NCAPG2: variants seen among roughly 807,000 people sequenced by gnomAD.
The protein encoded by NCAPG2 is non-SMC condensin II complex subunit G2.
NCAPG2 carries 53 observed loss-of-function variants against 141.1 expected under a neutral mutation model. The observed-to-expected ratio is 0.38, with a 90% CI of 0.30 to 0.47. The LOEUF is 0.47. Ranked by LOEUF, NCAPG2 falls within the 20% of genes least tolerant of loss-of-function variation. The probability of loss-of-function intolerance (pLI) is 0.99; values close to 1 mark genes in which losing one functional copy is unlikely to be tolerated. For synonymous variants in NCAPG2, 499 were observed against 490.7 expected (o/e 1.02, Z -0.22); for missense variants, 1,087 against 1,389.0 (o/e 0.78, Z 3.46).
chr7:158,685,050 G>A (rs1834671559), intron 8 of NCAPG2, among the ~76,000 whole-genome samples: 1 of 152,228 alleles, frequency 6.6e-6, no homozygotes, highest in Admixed American at 6.5e-5. Flanking sequence ...ACACAGGGTT[G>A]TGAGAGGCTC....
intron 22 of NCAPG2, among the ~76,000 whole-genome samples, chr7:158,653,701 A>C (rs1360886856): frequency 1.3e-5 from 2 of 152,224 alleles, no homozygotes; most frequent in Non-Finnish European, 2.9e-5. Flanking sequence ...ACTTAATCTA[A>C]TTTTCAAAAC....
At chr7:158,686,115 A>G (rs1054653883) in intron 8 of NCAPG2, 57 bp downstream of exon 8, 1 of 1,074,038 alleles carries the variant, frequency 9.3e-7, no homozygotes, top group Non-Finnish European at 1.3e-6. Flanking sequence ...TTGACTACTT[A>G]TTTAGTAACT....
intron 19 of NCAPG2, among the ~76,000 whole-genome samples, chr7:158,655,847 G>T (rs564229707): frequency 1.1e-5 from 1 of 89,546 alleles, no homozygotes; most frequent in East Asian, 3.7e-4. Flanking sequence ...AAGAGATGAC[G>T]GCCTCCGTGG....
chr7:158,690,106 G>C (rs543016527), intron 5 of NCAPG2, among the ~76,000 whole-genome samples, 153 bp from the exon 6 acceptor site: 1 of 152,198 alleles, frequency 6.6e-6, no homozygotes, highest in South Asian at 2.1e-4. Context: ...TTTAAAATTT[G>C]CAAATGCCCC....
At chr7:158,692,696 G>C in intron 4 of NCAPG2, 146 bp downstream of exon 4, 1 of 623,088 alleles carries the variant, frequency 1.6e-6, no homozygotes, top group South Asian at 1.8e-5. Flanking sequence ...AGCTGAGATC[G>C]CGCCATTGCA....
At chr7:158,691,012 C>T (rs1056806602) in intron 4 of NCAPG2, among the ~76,000 whole-genome samples, 6 of 152,228 alleles carry the variant, frequency 3.9e-5, no homozygotes, top group African/African-American at 1.4e-4. Context: ...TTTAGAAAGG[C>T]AGATGCTGAG....
rs112254004 is a variant in NCAPG2, at chr7:158,660,458, A to T, written c.1989+1736T>A. Reference sequence around the variant, plus strand: ...AGAGGCAGGGTCTCACTCTGTTGCCAGGGCTGGAGTGAGTGCAGTAGTATG... The same window carrying T: ...AGAGGCAGGGTCTCACTCTGTTGCCTGGGCTGGAGTGAGTGCAGTAGTATG... On this transcript the variant is annotated intron_variant, in intron 16 of 27. Transcript: ENST00000356309. Among the ~76,000 whole-genome samples the T allele has an allele frequency of 1.0e-2, 1,287 of 129,060 alleles. 20 individuals carry two copies. The highest frequency in any genetic ancestry group is 0.033 in the African/African-American group (1,077 of 33,006). 84.7% of individuals were successfully genotyped at this position (129,060 alleles called of 152,430 possible). A position where few individuals can be genotyped will look rare whatever the true frequency, so the allele number is the denominator to read the frequency against.
At chr7:158,686,961 G>A (rs780028468) in intron 7 of NCAPG2, among the ~76,000 whole-genome samples, 3 of 152,178 alleles carry the variant, frequency 2.0e-5, no homozygotes, top group Non-Finnish European at 2.9e-5. Context: ...GCAGAGTCAT[G>A]ACTGCAACGT....
intron 24 of NCAPG2, 89 bp downstream of exon 24, chr7:158,650,743 T>A: frequency 7.0e-7 from 1 of 1,436,418 alleles, no homozygotes; most frequent in Non-Finnish European, 9.3e-7. Context: ...AAAAATACTT[T>A]GAGAAACGTA....
chr7:158,638,136 T>C (rs140288865), intron 27 of NCAPG2, among the ~76,000 whole-genome samples: 1 of 152,190 alleles, frequency 6.6e-6, no homozygotes, highest in East Asian at 1.9e-4. Flanking sequence ...AGAGGGAGAC[T>C]CTTGTCTCAA....
chr7:158,654,175 G>A (rs1375440261), intron 22 of NCAPG2, among the ~76,000 whole-genome samples: 1 of 152,178 alleles, frequency 6.6e-6, no homozygotes, highest in Non-Finnish European at 1.5e-5. Context: ...CCCTTTCCCT[G>A]TGGTAACAGC....
chr7:158,634,879 G>C (rs1298934348), intron 27 of NCAPG2, among the ~76,000 whole-genome samples: 2 of 152,206 alleles, frequency 1.3e-5, no homozygotes, highest in African/African-American at 4.8e-5. Context: ...TTTAAAGTTG[G>C]AAGGGACAGT....
chr7:158,662,504 T>C (rs928936829), intron 15 of NCAPG2, 137 bp from the exon 16 acceptor site: 12 of 723,088 alleles, frequency 1.7e-5, no homozygotes, highest in Admixed American at 3.9e-5. Flanking sequence ...ACTCTCCACT[T>C]TAGAATCTTC....
intron 16 of NCAPG2, among the ~76,000 whole-genome samples, chr7:158,661,538 A>G (rs1832504780): frequency 6.6e-6 from 1 of 152,178 alleles, no homozygotes; most frequent in Non-Finnish European, 1.5e-5. Context: ...TCTATCCTAT[A>G]ACATGGTGAC....
intron 9 of NCAPG2, among the ~76,000 whole-genome samples, chr7:158,681,879 A>C (rs1018610817): frequency 6.6e-6 from 1 of 152,188 alleles, no homozygotes; most frequent in African/African-American, 2.4e-5. Flanking sequence ...TGAGATTTTT[A>C]ATTTCAAATG....
intron 27 of NCAPG2, among the ~76,000 whole-genome samples, chr7:158,632,491 A>G (rs1036556757): frequency 1.3e-5 from 2 of 152,244 alleles, no homozygotes; most frequent in African/African-American, 4.8e-5. Flanking sequence ...TCCTCAGAGA[A>G]GCAATAAAGA....
In NCAPG2 at chr7:158,668,513, T is replaced by G. The variant is rs1833446496; in HGVS notation, c.1479+3001A>C. The G allele has an allele frequency of 4.9e-6, 4 of 814,960 alleles. 1 individual carries two copies. In the South Asian group the frequency reaches 1.7e-4, roughly 34 times the overall value. 50.5% of individuals were successfully genotyped at this position (814,960 alleles called of 1,614,324 possible). On this transcript the variant is annotated intron_variant, in intron 13 of 27. Transcript: ENST00000356309. ...ACATTCTGAAATACAAAGAAAACAA[T>G]ATGATGTCTGGAATTTATTTCAAAA...
intron 1 of NCAPG2, among the ~76,000 whole-genome samples, chr7:158,704,065 G>A (rs1414969992): frequency 2.7e-5 from 4 of 146,218 alleles, no homozygotes; most frequent in African/African-American, 1.0e-4. Context: ...CAGTGCCCAT[G>A]CTCAGGACTG....
intron 16 of NCAPG2, among the ~76,000 whole-genome samples, chr7:158,661,157 G>A (rs916341946): frequency 2.6e-5 from 4 of 152,172 alleles, no homozygotes; most frequent in Non-Finnish European, 2.9e-5. Flanking sequence ...ATGCTTTCAC[G>A]TCAGAGGCAG....
Sources: allele counts gnomAD v4.1 joint callset (sites outside exome capture counted in the v4.1 genomes callset), GRCh38; gene constraint gnomAD v4.1.1; transcripts MANE v1.5; gene names NCBI Gene and HGNC (gene_info 2026-07-23, HGNC 2026-07-21).